The following FAM20C variants were observed in gnomAD, a reference collection of about 807,000 sequenced individuals.
FAM20C encodes FAM20C golgi associated secretory pathway kinase, also known as extracellular serine/threonine protein kinase FAM20C.
A neutral mutation model predicts 51.5 loss-of-function variants in FAM20C; 40 were observed. The ratio of observed to expected loss-of-function variants is 0.78; its 90% confidence interval spans 0.60 to 1.01. FAM20C has a LOEUF of 1.01. Ranked by LOEUF, FAM20C falls within the 50% of genes least tolerant of loss-of-function variation. FAM20C has a pLI of 0.00. For synonymous variants in FAM20C, 406 were observed against 380.6 expected (o/e 1.07, Z -0.78); for missense variants, 861 against 844.7 (o/e 1.02, Z -0.24).
At chr7:258,813 GA>G (rs1443221746) in intron 9 of FAM20C, 108 bp downstream of exon 9, 3 of 1,106,938 alleles carry the variant, frequency 2.7e-6, no homozygotes, top group Admixed American at 5.4e-5. Context: ...ACATGGGAGA[GA>G]AAAGGCCCCG....
At chr7:213,107 G>A (rs147196893) in intron 3 of FAM20C, among the ~76,000 whole-genome samples, 40 of 64,728 alleles carry the variant, frequency 6.2e-4, no homozygotes, top group African/African-American at 2.7e-3. Flanking sequence ...AGGCTCTGGA[G>A]TCCTGCAGTG....
Position 226,099 on chromosome 7 carries a change from G to A in FAM20C, c.863+17123G>A, listed in dbSNP as rs189227912. On this transcript the variant is annotated intron_variant, in intron 3 of 9. Transcript: ENST00000313766. Reference sequence around the variant, plus strand: ...GTGATCTTGGGGGTCAGACACCAGGGCTCACCTGACCTGCTAGGGTGTGTG... The same window carrying A: ...GTGATCTTGGGGGTCAGACACCAGGACTCACCTGACCTGCTAGGGTGTGTG... 5.8e-4 allele frequency among the ~76,000 whole-genome samples: 89 copies of A among 152,280 alleles called. 1 individual carries two copies. Among genetic ancestry groups the A allele is most frequent in the African/African-American group, 2.1e-3 (87 of 41,546 alleles).
At chr7:212,746 G>A (rs1786781472) in intron 3 of FAM20C, among the ~76,000 whole-genome samples, 1 of 152,168 alleles carries the variant, frequency 6.6e-6, no homozygotes, top group African/African-American at 2.4e-5. Context: ...GCGCTCCTGG[G>A]TGCTTTTGCT....
chr7:193,678 T>G lies in FAM20C; in HGVS notation c.479T>G (p.Leu160Arg). Reference sequence around the variant, plus strand: ...CCCGGCCCCGGCGGAGACGCCTCCCTCCTGGCCAGGCTGTTCGAGCACCCG... The same window carrying G: ...CCCGGCCCCGGCGGAGACGCCTCCCGCCTGGCCAGGCTGTTCGAGCACCCG... Reference protein sequence around the residue: ...SPPGPGGDASLLARLFEHPLY... With the variant: ...SPPGPGGDASRLARLFEHPLY... Residue 160 changes from leucine to arginine, a missense_variant, in exon 1 of 10, where the codon CTC becomes CGC. Around this residue, in one of 3 missense-constraint regions of FAM20C, gnomAD observed 561 missense variants for 499.8 expected, o/e 1.12. Transcript: ENST00000313766. 1 of 1,543,054 alleles carries G rather than the reference T, an allele frequency of 6.5e-7. No homozygotes were observed.
rs758159748 is a variant in FAM20C, at chr7:256,017, G to A, written c.1241G>A (p.Arg414His). Residue 414 changes from arginine (R) to histidine (H), a missense_variant, in exon 6 of 10, where the codon CGC becomes CAC. By Grantham distance (29) the Arg-to-His change is conservative. Around this residue, in one of 3 missense-constraint regions of FAM20C, gnomAD observed 269 missense variants for 283.8 expected, o/e 0.95. Transcript: ENST00000313766. ...CCTTGGCGGCGTTCCTACCACAAGCGCAAGAAGGCCGAGTGAGTGCGGGGC... is the reference window on the plus strand; with the variant it reads ...CCTTGGCGGCGTTCCTACCACAAGCACAAGAAGGCCGAGTGAGTGCGGGGC... Reference protein sequence around the residue: ...RNPWRRSYHKRKKAEWEVDPD... With the variant: ...RNPWRRSYHKHKKAEWEVDPD... 11 of 1,535,820 alleles carry A rather than the reference G, an allele frequency of 7.2e-6. No individual in the cohort carries two copies. The highest frequency in any genetic ancestry group is 2.0e-5 in the Admixed American group (1 of 50,972).
At chr7:195,156 A>C in intron 1 of FAM20C, 1 of 181,088 alleles carries the variant, frequency 5.5e-6, no homozygotes, top group Non-Finnish European at 1.1e-5. Context: ...GGTCAATGGT[A>C]GGTTCTCCCC....
Position 195,689 on chromosome 7 carries a change from G to A in FAM20C, c.741G>A (p.Glu247=). The part of the protein sequence containing the change: ...ELYSRHNPAI[E]ALLHDLSSQR... ...ACTCCAGACACAACCCGGCCATCGA[G>A]GCCCTGCTGCACGACCTCAGCTCCC... The change falls in exon 2 of 10, where the codon GAG becomes GAA. Residue 247 remains glutamate, a synonymous_variant. Coordinates refer to ENST00000313766, the MANE Select transcript of FAM20C (RefSeq NM_020223.4). The A allele has an allele frequency of 6.2e-7, 1 of 1,610,826 alleles. No homozygotes were observed. The highest frequency in any genetic ancestry group is 8.5e-7 in the Non-Finnish European group (1 of 1,178,596).
intron 6 of FAM20C, chr7:256,346 C>CT (rs1469289943): frequency 1.8e-6 from 1 of 570,090 alleles, no homozygotes; most frequent in Non-Finnish European, 3.1e-6. Context: ...GGCCCCTGTT[C>CT]TTTCCGCCCC....
At chr7:254,449 C>A (rs181543991) in intron 5 of FAM20C, among the ~76,000 whole-genome samples, 55 of 152,322 alleles carry the variant, frequency 3.6e-4, no homozygotes, top group Non-Finnish European at 6.0e-4. Flanking sequence ...AGTTTCTCCA[C>A]AAACAAATAA....
chr7:199,055 C>T lies in FAM20C; in HGVS notation c.784+3323C>T, dbSNP rs1344484098. On this transcript the variant is annotated intron_variant, in intron 2 of 9. Transcript: ENST00000313766. ...TGCTCCATGTCCAGGTCCAGGTCTC[C>T]TGGTCTGCAGGGAACGGCACAAGAG... is the stretch of plus-strand genomic sequence containing the variant. 2.0e-5 allele frequency among the ~76,000 whole-genome samples: 3 copies of T among 152,248 alleles called. No homozygotes were observed. The East Asian group carries it at 5.8e-4, about 29-fold the overall frequency.
In FAM20C at chr7:192,809, A is replaced by G. The variant is rs1165215857; in HGVS notation, c.-391A>G. ...GATCGGGACGCCTGCGGCCGCCGCC[A>G]CCGCCCAGGCCCGTCGCGCCCCGGC... is the stretch of plus-strand genomic sequence containing the variant. On this transcript the variant is annotated 5_prime_UTR_variant, in exon 1 of 10. Coordinates refer to ENST00000313766, the MANE Select transcript of FAM20C (RefSeq NM_020223.4). 2.3e-5 allele frequency among the ~76,000 whole-genome samples: 3 copies of G among 131,952 alleles called. No homozygotes were observed. Among genetic ancestry groups the G allele is most frequent in the Admixed American group, 2.2e-4 (3 of 13,594 alleles). The allele number at this position is 131,952 out of a possible 152,430, so 86.6% of individuals were successfully genotyped here.
chr7:195,522 A>G (rs749538255), intron 1 of FAM20C, 32 bp from the exon 2 acceptor site: 2 of 1,492,288 alleles, frequency 1.3e-6, no homozygotes, highest in African/African-American at 1.4e-5. Context: ...TGTTCTTTCC[A>G]TGCTGATGTT....
intron 5 of FAM20C, among the ~76,000 whole-genome samples, chr7:249,395 G>A (rs1205033543): frequency 1.3e-5 from 2 of 152,234 alleles, no homozygotes; most frequent in Non-Finnish European, 2.9e-5. Flanking sequence ...TAAGTACAGC[G>A]CACACATAAA....
intron 3 of FAM20C, among the ~76,000 whole-genome samples, chr7:214,241 C>T (rs984445915): frequency 6.6e-6 from 1 of 152,056 alleles, no homozygotes; most frequent in Non-Finnish European, 1.5e-5. Context: ...AGGAGAATCG[C>T]TTGAACCCGG....
At chr7:226,874 A>G (rs1446502652) in intron 3 of FAM20C, among the ~76,000 whole-genome samples, 1 of 152,224 alleles carries the variant, frequency 6.6e-6, no homozygotes, top group Admixed American at 6.5e-5. Flanking sequence ...TGACAGGGAA[A>G]TGAATAAATG....
At chr7:258,734 C>T (rs1253248164) in intron 9 of FAM20C, 29 bp downstream of exon 9, 1 of 1,526,392 alleles carries the variant, frequency 6.6e-7, no homozygotes, top group East Asian at 2.4e-5. Context: ...CCGGCTCCAG[C>T]TCCACCCTCC....
chr7:212,915 C>T (rs1422445427), intron 3 of FAM20C, among the ~76,000 whole-genome samples: 7 of 152,228 alleles, frequency 4.6e-5, no homozygotes, highest in South Asian at 2.1e-4. Flanking sequence ...GCCCGTTTTC[C>T]GTGACTCCAC....
At chr7:249,883 C>G (rs1041456752) in intron 5 of FAM20C, among the ~76,000 whole-genome samples, 1 of 152,166 alleles carries the variant, frequency 6.6e-6, no homozygotes, top group Non-Finnish European at 1.5e-5. Context: ...TCTGGGGACA[C>G]TCTCCTACCT....
At chr7:214,166 A>G (rs539092467) in intron 3 of FAM20C, among the ~76,000 whole-genome samples, 2 of 152,222 alleles carry the variant, frequency 1.3e-5, no homozygotes, top group South Asian at 4.2e-4. Flanking sequence ...TCTCTACTAA[A>G]AGTACAAAAT....
Sources: gnomAD v4.1 joint callset for allele counts (sites outside exome capture counted in the v4.1 genomes callset) on GRCh38, gnomAD v4.1.1 for gene constraint, gnomAD v4.1.1 regional missense constraint, MANE v1.5 for transcripts, NCBI Gene and HGNC (gene_info 2026-07-23, HGNC 2026-07-21) for gene names.